KIAA1549: variants seen among roughly 807,000 people sequenced by gnomAD.
KIAA1549 encodes the protein UPF0606 protein KIAA1549.
A neutral mutation model predicts 156.4 loss-of-function variants in KIAA1549; 70 were observed. That is an observed-to-expected ratio of 0.45 (90% CI 0.37 to 0.55). The LOEUF (loss-of-function observed/expected upper bound fraction) is 0.55, where lower values mean the gene tolerates loss of function less well. KIAA1549 is among the 20% of genes least tolerant of loss of function. The pLI is 0.00. For synonymous variants in KIAA1549, 1,103 were observed against 1,066.4 expected (o/e 1.03, Z -0.67); for missense variants, 2,428 against 2,540.9 (o/e 0.96, Z 0.96).
chr7:138,919,502 T>G (rs1812489940), intron 1 of KIAA1549, 64 bp from the exon 2 acceptor site: 4 of 1,545,224 alleles, frequency 2.6e-6, no homozygotes, highest in Non-Finnish European at 3.5e-6. Flanking sequence ...AACGTTTTGT[T>G]TCAGGCATGA....
At chr7:138,881,349 C>A in intron 11 of KIAA1549, 39 bp downstream of exon 11, 1 of 1,576,098 alleles carries the variant, frequency 6.3e-7, no homozygotes, top group Non-Finnish European at 8.7e-7. Context: ...CAGAAGCATG[C>A]TCTGCAACAA....
rs368853660 is a variant in KIAA1549, at chr7:138,903,687, G to A, written c.3570C>T (p.Ala1190=). The A allele has an allele frequency of 8.8e-5, 141 of 1,608,684 alleles. No homozygotes were observed. Among genetic ancestry groups the A allele is most frequent in the Admixed American group, 2.0e-4 (12 of 59,110 alleles). ...EKQLQNEVFQ[A]EMERKLAQLL... ...GCTGGGCCAGCTTGCGTTCCATCTC[G>A]GCTTGAAACACTTCATTCTGGAGTT... Residue 1190 remains alanine (A), a synonymous_variant, in exon 8 of 20, where the codon GCC becomes GCT. Coordinates refer to ENST00000422774, the MANE Select transcript of KIAA1549 (RefSeq NM_001164665.2).
intron 16 of KIAA1549, among the ~76,000 whole-genome samples, chr7:138,859,364 G>T (rs1485457853): frequency 6.6e-6 from 1 of 152,108 alleles, no homozygotes; most frequent in Non-Finnish European, 1.5e-5. Context: ...TTTTGGGGAG[G>T]ACACAGTTCA....
At chr7:138,876,395 C>T (rs1811086036) in intron 12 of KIAA1549, 1 of 152,172 alleles carries the variant, frequency 6.6e-6, no homozygotes, top group Non-Finnish European at 1.5e-5. Flanking sequence ...GCATGTCATC[C>T]TTGCACAGGG....
At chr7:138,866,127 A>G (rs143621585) in intron 15 of KIAA1549, among the ~76,000 whole-genome samples, 1 of 152,296 alleles carries the variant, frequency 6.6e-6, no homozygotes, top group African/African-American at 2.4e-5. Context: ...AGTAACAGGA[A>G]CTACTCAATT....
intron 1 of KIAA1549, among the ~76,000 whole-genome samples, chr7:138,950,988 A>G (rs980328662): frequency 4.0e-5 from 6 of 151,388 alleles, no homozygotes; most frequent in African/African-American, 1.5e-4. Flanking sequence ...TTACCTCCCT[A>G]CCTACTCCTT....
intron 17 of KIAA1549, among the ~76,000 whole-genome samples, chr7:138,851,585 A>AG (rs1563049182): frequency 6.7e-6 from 1 of 150,022 alleles, no homozygotes; most frequent in African/African-American, 2.4e-5. Flanking sequence ...TGTGTGTGGA[A>AG]GGGGGGCTAC....
At position 138,831,794 on chromosome 7, in the gene KIAA1549, G is replaced by A. The variant is rs199784307; in HGVS notation, c.*6112C>T. On this transcript the variant is annotated 3_prime_UTR_variant, in exon 20 of 20. Transcript: ENST00000422774. ...GTCAGTACTCCAGGGCAGCTCTGCC[G>A]AGCAACCTTTCCTATTAACGCTAGC... 2.2e-5 allele frequency: 5 copies of A among 232,330 alleles called. No homozygotes were observed. Among genetic ancestry groups the A allele is most frequent in the Non-Finnish European group, 4.3e-5 (5 of 117,562 alleles). 14.4% of individuals were successfully genotyped at this position (232,330 alleles called of 1,614,324 possible).
chr7:138,958,086 C>G (rs1055718408), intron 1 of KIAA1549, among the ~76,000 whole-genome samples: 3 of 152,246 alleles, frequency 2.0e-5, no homozygotes, highest in African/African-American at 7.2e-5. Context: ...CTTTCCTCGT[C>G]TTTGCACGAC....
intron 1 of KIAA1549, among the ~76,000 whole-genome samples, chr7:138,920,181 T>C (rs757140604): frequency 2.0e-4 from 30 of 146,490 alleles, no homozygotes; most frequent in Admixed American, 3.4e-4. Flanking sequence ...CCCAGCTCTC[T>C]ACATGGATGG....
chr7:138,899,309 C>T (rs1241436680), intron 8 of KIAA1549, among the ~76,000 whole-genome samples, 177 bp from the exon 9 acceptor site: 1 of 152,126 alleles, frequency 6.6e-6, no homozygotes, highest in Non-Finnish European at 1.5e-5. Flanking sequence ...GGAAGAGGGA[C>T]AGTGGGGAGT....
intron 10 of KIAA1549, among the ~76,000 whole-genome samples, chr7:138,886,909 G>T (rs898880918): frequency 3.3e-5 from 5 of 151,798 alleles, no homozygotes; most frequent in Non-Finnish European, 7.4e-5. Context: ...TATTTATTAT[G>T]ATTTTTTTTT....
intron 17 of KIAA1549, among the ~76,000 whole-genome samples, chr7:138,850,403 T>G (rs1364980718): frequency 2.6e-5 from 4 of 152,224 alleles, no homozygotes; most frequent in Non-Finnish European, 5.9e-5. Context: ...TGGTATGAGA[T>G]GGTATCTCAT....
rs113195069 is a variant in KIAA1549, at chr7:138,883,229, C to T, written c.4033-1645G>A. Among the ~76,000 whole-genome samples, 477 of 147,262 alleles carry T rather than the reference C, an allele frequency of 3.2e-3. 3 individuals are homozygous for T. The highest frequency in any genetic ancestry group is 0.012 in the African/African-American group (460 of 39,726). The stretch of plus-strand genomic sequence containing the variant: ...TGGAGATTTCAGTAAACTGAGATCG[C>T]GCCACTGCACTCCAGCCCAGGTGAA... On this transcript the variant is annotated intron_variant, in intron 10 of 19. Coordinates refer to ENST00000422774, the MANE Select transcript of KIAA1549 (RefSeq NM_001164665.2).
At chr7:138,903,526 T>G (rs1269696753) in intron 8 of KIAA1549, 62 bp downstream of exon 8, 2 of 1,537,218 alleles carry the variant, frequency 1.3e-6, no homozygotes, top group Admixed American at 3.5e-5. Flanking sequence ...GAGTGTGCAC[T>G]CACACGCAAG....
chr7:138,905,038 G>A lies in KIAA1549; in HGVS notation c.3504C>T (p.Ser1168=). The A allele has an allele frequency of 1.3e-6, 2 of 1,575,152 alleles. No individual in the cohort carries two copies. The highest frequency in any genetic ancestry group is 2.3e-5 in the East Asian group (1 of 43,506). ...PQLNLSQLLK[S]SWVRTVLLGV... is the part of the protein sequence containing the mutation. ...TAAACATACCTGTTCTGACCCAAGA[G>A]GACTTCAGCAACTGAGATAAGTTGA... Residue 1168 remains serine, a synonymous_variant, in exon 7 of 20, where the codon TCC becomes TCT. Transcript: ENST00000422774.
chr7:138,973,863 T>TA (rs2130576108), intron 1 of KIAA1549, among the ~76,000 whole-genome samples: 1 of 152,272 alleles, frequency 6.6e-6, no homozygotes, highest in South Asian at 2.1e-4. Flanking sequence ...AGGCTGGTCT[T>TA]AAACTCCTGA....
Position 138,834,200 on chromosome 7 carries a change from C to T in KIAA1549, c.*3706G>A, listed in dbSNP as rs61538375. On this transcript the variant is annotated 3_prime_UTR_variant, in exon 20 of 20. Transcript: ENST00000422774. The stretch of plus-strand genomic sequence containing the variant: ...TTTGAGACACAGTCTTGCTCTGTCG[C>T]CCAGGTTGGAGTACAGTGGTGCAAT... The T allele has an allele frequency of 0.032, 6,243 of 192,916 alleles. 313 individuals carry two copies. The highest frequency in any genetic ancestry group is 0.11 in the African/African-American group (4,935 of 43,148). 12.0% of individuals were successfully genotyped at this position (192,916 alleles called of 1,614,324 possible).
intron 1 of KIAA1549, among the ~76,000 whole-genome samples, chr7:138,928,883 AC>A (rs1424970222): frequency 1.3e-5 from 2 of 152,188 alleles, no homozygotes; most frequent in African/African-American, 4.8e-5. Context: ...GTGCACATGT[AC>A]CCTAGAACTT....
Sources: gnomAD v4.1 joint callset for allele counts (sites outside exome capture counted in the v4.1 genomes callset) on GRCh38, gnomAD v4.1.1 for gene constraint, MANE v1.5 for transcripts, NCBI Gene and HGNC (gene_info 2026-07-23, HGNC 2026-07-21) for gene names.